CLCN3: variants seen among roughly 807,000 people sequenced by gnomAD.
CLCN3 encodes the protein H(+)/Cl(-) exchange transporter 3.
Under a neutral mutation model 83.4 loss-of-function variants are expected in CLCN3, and 16 were observed. The ratio of observed to expected loss-of-function variants is 0.19; its 90% CI spans 0.13 to 0.29. CLCN3 has a LOEUF of 0.29. CLCN3 is among the 10% of genes least tolerant of loss of function. CLCN3 has a pLI of 1.00. For missense variants in CLCN3, 544 were observed against 1,006.0 expected, an observed-to-expected ratio of 0.54 and a Z score of 6.21; for synonymous variants, 322 against 346.2, an observed-to-expected ratio of 0.93 and a Z score of 0.78.
chr4:169,670,400 A>G (rs1024934261), intron 2 of CLCN3, among the ~76,000 whole-genome samples: 7 of 152,094 alleles, frequency 4.6e-5, no homozygotes, highest in African/African-American at 1.7e-4. Flanking sequence ...TGTTTTTGTC[A>G]AGTTTGCTGA....
chr4:169,652,509 A>G (rs1439766798), intron 2 of CLCN3, among the ~76,000 whole-genome samples: 1 of 152,188 alleles, frequency 6.6e-6, no homozygotes, highest in East Asian at 1.9e-4. Flanking sequence ...TAAAAAATGA[A>G]TTTACTACAG....
At chr4:169,713,764 T>C (rs976947455) in intron 12 of CLCN3, among the ~76,000 whole-genome samples, 5 of 152,362 alleles carry the variant, frequency 3.3e-5, no homozygotes, top group Non-Finnish European at 5.9e-5. Context: ...AAGGAAAGAA[T>C]ATATACTTAA....
intron 1 of CLCN3, among the ~76,000 whole-genome samples, chr4:169,623,809 C>T (rs774548112): frequency 6.6e-6 from 1 of 151,950 alleles, no homozygotes; most frequent in Non-Finnish European, 1.5e-5. Context: ...GCATTATGTC[C>T]TCCGGGTTAA....
intron 7 of CLCN3, among the ~76,000 whole-genome samples, chr4:169,693,689 G>T (rs954028690): frequency 1.3e-5 from 2 of 152,170 alleles, no homozygotes; most frequent in African/African-American, 4.8e-5. Flanking sequence ...TAGAGCATTT[G>T]CCTCCTCAAT....
At chr4:169,706,320 G>A (rs1732993810) in intron 10 of CLCN3, among the ~76,000 whole-genome samples, 1 of 152,116 alleles carries the variant, frequency 6.6e-6, no homozygotes, top group Non-Finnish European at 1.5e-5. Context: ...ATGAGCCACA[G>A]TGCCTGGCCC....
chr4:169,653,130 A>G (rs1451290448), intron 2 of CLCN3, among the ~76,000 whole-genome samples: 1 of 152,126 alleles, frequency 6.6e-6, no homozygotes, highest in Non-Finnish European at 1.5e-5. Context: ...TTGTGTCTTA[A>G]TTTTAAAAAA....
chr4:169,664,951 T>C (rs1421876023), intron 2 of CLCN3, among the ~76,000 whole-genome samples: 1 of 152,198 alleles, frequency 6.6e-6, no homozygotes, highest in East Asian at 1.9e-4. Context: ...AGGTTTTGTT[T>C]CTTGTTTTTA....
intron 1 of CLCN3, among the ~76,000 whole-genome samples, chr4:169,621,966 A>G (rs542804538): frequency 6.6e-6 from 1 of 152,304 alleles, no homozygotes; most frequent in South Asian, 2.1e-4. Context: ...GTCTTGTTCT[A>G]TAATATGGCT....
intron 2 of CLCN3, among the ~76,000 whole-genome samples, chr4:169,660,691 A>G (rs1015063883): frequency 2.0e-5 from 3 of 152,202 alleles, no homozygotes; most frequent in African/African-American, 7.2e-5. Context: ...CATCTTCTGC[A>G]TGAAAATCTT....
intron 1 of CLCN3, among the ~76,000 whole-genome samples, chr4:169,626,572 G>C (rs188308478): frequency 6.6e-6 from 1 of 152,212 alleles, no homozygotes. Flanking sequence ...AGTCAGACAG[G>C]CTGTGGAAGA....
At chr4:169,666,767 T>C (rs1731258734) in intron 2 of CLCN3, among the ~76,000 whole-genome samples, 1 of 152,244 alleles carries the variant, frequency 6.6e-6, no homozygotes, top group Admixed American at 6.5e-5. Context: ...CCTGTTCTAC[T>C]ACTTGCTAGC....
At chr4:169,647,952 G>A (rs1296691475) in intron 2 of CLCN3, among the ~76,000 whole-genome samples, 4 of 152,202 alleles carry the variant, frequency 2.6e-5, no homozygotes, top group Non-Finnish European at 4.4e-5. Context: ...AGAAGAGCAT[G>A]TCACCTTTGT....
intron 2 of CLCN3, chr4:169,660,394 T>G: frequency 1.4e-6 from 2 of 1,408,092 alleles, no homozygotes; most frequent in Middle Eastern, 1.8e-4. Flanking sequence ...CGACCCTTAT[T>G]TGCCTTATGA....
chr4:169,623,656 C>T (rs963545722), intron 1 of CLCN3, among the ~76,000 whole-genome samples: 1 of 152,096 alleles, frequency 6.6e-6, no homozygotes, highest in African/African-American at 2.4e-5. Context: ...AACCTCTCTC[C>T]TTTCCTTTTT....
Position 169,687,593 on chromosome 4 carries a change from A to G in CLCN3, c.319-65A>G, listed in dbSNP as rs1732211922. On this transcript the variant is annotated intron_variant, in intron 3 of 12. Coordinates refer to ENST00000513761, the MANE Select transcript of CLCN3 (RefSeq NM_001829.4). ...TGTATGGTAAATGAGAAAAATTGCT[A>G]GATTCTAGAACTGTGGCTTCTATTC... 9 of 1,049,614 alleles carry G rather than the reference A, an allele frequency of 8.6e-6. No homozygotes were observed. In the South Asian group the frequency reaches 1.2e-4, roughly 14 times the overall value. The allele number at this position is 1,049,614 out of a possible 1,614,324, so 65.0% of individuals were successfully genotyped here.
intron 2 of CLCN3, among the ~76,000 whole-genome samples, chr4:169,638,749 A>T (rs1487108597): frequency 6.6e-6 from 1 of 152,134 alleles, no homozygotes; most frequent in South Asian, 2.1e-4. Context: ...AGCAGTAAGG[A>T]TGGGGCAAGG....
At chr4:169,698,143 G>A (rs764392212) in intron 9 of CLCN3, among the ~76,000 whole-genome samples, 2 of 152,090 alleles carry the variant, frequency 1.3e-5, no homozygotes, top group Non-Finnish European at 2.9e-5. Context: ...TAGTTTTGGG[G>A]TATATGAAGT....
At chr4:169,681,210 G>A (rs1369846824) in intron 3 of CLCN3, among the ~76,000 whole-genome samples, 1 of 152,120 alleles carries the variant, frequency 6.6e-6, no homozygotes, top group Non-Finnish European at 1.5e-5. Context: ...ATCATGCCAA[G>A]CTAATTTTTG....
At chr4:169,664,499 T>C (rs138690849) in intron 2 of CLCN3, among the ~76,000 whole-genome samples, 38 of 152,310 alleles carry the variant, frequency 2.5e-4, no homozygotes, top group African/African-American at 8.7e-4. Flanking sequence ...CAGATACTTA[T>C]TATATTTTTA....
Sources: gnomAD v4.1 joint callset for allele counts (sites outside exome capture counted in the v4.1 genomes callset) on GRCh38, gnomAD v4.1.1 for gene constraint, MANE v1.5 for transcripts, NCBI Gene and HGNC (gene_info 2026-07-23, HGNC 2026-07-21) for gene names.